PPP1R9A: variants seen among roughly 807,000 people sequenced by gnomAD.
The protein encoded by PPP1R9A is neurabin-1.
In PPP1R9A, 59 loss-of-function variants were observed where a neutral mutation model predicts 141.9. The ratio of observed to expected loss-of-function variants is 0.42; its 90% CI spans 0.34 to 0.52. The LOEUF is 0.52. Ranked by LOEUF, PPP1R9A falls within the 20% of genes least tolerant of loss-of-function variation. The probability of loss-of-function intolerance (pLI) is 0.10; values close to 1 mark genes in which losing one functional copy is unlikely to be tolerated. For missense variants in PPP1R9A, 1,444 were observed against 1,611.9 expected (o/e 0.90, Z 1.78); for synonymous variants, 500 against 569.7 (o/e 0.88, Z 1.74).
chr7:95,059,344 T>G (rs1349811671), intron 2 of PPP1R9A, among the ~76,000 whole-genome samples: 2 of 152,190 alleles, frequency 1.3e-5, no homozygotes, highest in Non-Finnish European at 2.9e-5. Flanking sequence ...TGTGTATACT[T>G]TTATATTTCT....
chr7:94,986,827 CT>C (rs535273719), intron 2 of PPP1R9A, among the ~76,000 whole-genome samples: 6 of 152,214 alleles, frequency 3.9e-5, no homozygotes, highest in African/African-American at 7.2e-5. Context: ...TAAAAAGCTG[CT>C]GCTGCTTCTA....
intron 2 of PPP1R9A, among the ~76,000 whole-genome samples, chr7:95,026,112 T>G (rs1486409199): frequency 6.6e-6 from 1 of 152,186 alleles, no homozygotes; most frequent in East Asian, 1.9e-4. Flanking sequence ...TCAGTTTTGT[T>G]TTCTTGCTGG....
chr7:94,918,773 G>A (rs537858651), intron 2 of PPP1R9A, among the ~76,000 whole-genome samples: 61 of 152,292 alleles, frequency 4.0e-4, no homozygotes, highest in African/African-American at 1.4e-3. Flanking sequence ...GAATATAGGA[G>A]TATGGCTTGG....
intron 8 of PPP1R9A, among the ~76,000 whole-genome samples, chr7:95,238,698 C>G (rs1048233660): frequency 7.2e-5 from 11 of 152,048 alleles, no homozygotes; most frequent in Non-Finnish European, 1.6e-4. Context: ...TGGCACTTTC[C>G]CCCTCCCTAA....
At chr7:95,191,271 G>T (rs1402169744) in intron 5 of PPP1R9A, among the ~76,000 whole-genome samples, 1 of 152,096 alleles carries the variant, frequency 6.6e-6, no homozygotes, top group Non-Finnish European at 1.5e-5. Context: ...TTGACTTATT[G>T]TATCTCAACA....
At chr7:94,954,090 G>T (rs1004372152) in intron 2 of PPP1R9A, among the ~76,000 whole-genome samples, 2 of 152,052 alleles carry the variant, frequency 1.3e-5, no homozygotes, top group Non-Finnish European at 2.9e-5. Flanking sequence ...GATATTGGCT[G>T]TGGGTTTTTT....
At chr7:94,957,148 G>A (rs534799920) in intron 2 of PPP1R9A, among the ~76,000 whole-genome samples, 101 of 152,126 alleles carry the variant, frequency 6.6e-4, no homozygotes, top group Non-Finnish European at 1.3e-3. Flanking sequence ...CAGTTTTATC[G>A]GTTAATAATA....
At chr7:95,085,022 C>A (rs1285267286) in intron 2 of PPP1R9A, among the ~76,000 whole-genome samples, 2 of 152,002 alleles carry the variant, frequency 1.3e-5, no homozygotes, top group Non-Finnish European at 2.9e-5. Flanking sequence ...GGGCCATACC[C>A]ACCCTCACAT....
chr7:94,969,611 G>T (rs1011780700), intron 2 of PPP1R9A, among the ~76,000 whole-genome samples: 4 of 152,126 alleles, frequency 2.6e-5, no homozygotes, highest in African/African-American at 9.7e-5. Flanking sequence ...TCCCAATCAG[G>T]AGGTACAGGG....
At chr7:95,008,721 C>T (rs1803973363) in intron 2 of PPP1R9A, among the ~76,000 whole-genome samples, 1 of 152,094 alleles carries the variant, frequency 6.6e-6, no homozygotes, top group Non-Finnish European at 1.5e-5. Context: ...TGCTCATATT[C>T]TATTTGTTCT....
At chr7:95,243,059 T>C (rs992285411) in intron 8 of PPP1R9A, among the ~76,000 whole-genome samples, 2 of 152,178 alleles carry the variant, frequency 1.3e-5, no homozygotes, top group African/African-American at 4.8e-5. Flanking sequence ...CTATGCTTCA[T>C]TTGTCGAGGT....
intron 6 of PPP1R9A, among the ~76,000 whole-genome samples, chr7:95,201,393 G>A (rs1753560787): frequency 6.6e-6 from 1 of 152,018 alleles, no homozygotes; most frequent in South Asian, 2.1e-4. Flanking sequence ...GTTACACACT[G>A]CCTCAACAAA....
chr7:95,285,499 T>C (rs1450732081), intron 17 of PPP1R9A, among the ~76,000 whole-genome samples: 1 of 152,238 alleles, frequency 6.6e-6, no homozygotes, highest in African/African-American at 2.4e-5. Flanking sequence ...TTGATTTTCA[T>C]ATCCACTGAA....
chr7:94,973,560 A>T (rs1799094751), intron 2 of PPP1R9A, among the ~76,000 whole-genome samples: 1 of 152,208 alleles, frequency 6.6e-6, no homozygotes, highest in African/African-American at 2.4e-5. Flanking sequence ...TTGAATGAAC[A>T]TTTGTAATCA....
chr7:95,067,615 A>G (rs912419045), intron 2 of PPP1R9A, among the ~76,000 whole-genome samples: 9 of 152,222 alleles, frequency 5.9e-5, no homozygotes, highest in Admixed American at 6.5e-5. Flanking sequence ...ATAATAACAC[A>G]GTCATCCCTC....
intron 2 of PPP1R9A, among the ~76,000 whole-genome samples, chr7:95,047,929 C>T (rs1644178276): frequency 1.3e-5 from 2 of 152,114 alleles, no homozygotes; most frequent in Non-Finnish European, 2.9e-5. Context: ...TAAATCTTTC[C>T]TGTTTTTCCT....
intron 2 of PPP1R9A, among the ~76,000 whole-genome samples, chr7:94,930,495 T>C (rs568424199): frequency 1.3e-5 from 2 of 152,156 alleles, no homozygotes; most frequent in South Asian, 2.1e-4. Flanking sequence ...CCCCAAACAA[T>C]GCCTGGCTAA....
intron 2 of PPP1R9A, among the ~76,000 whole-genome samples, chr7:94,991,887 A>T (rs1003649283): frequency 6.6e-6 from 1 of 152,154 alleles, no homozygotes; most frequent in Non-Finnish European, 1.5e-5. Flanking sequence ...CCTGAGCTCA[A>T]ACGATCCACC....
chr7:95,208,035 A>G (rs1791215847), intron 7 of PPP1R9A, among the ~76,000 whole-genome samples: 2 of 152,226 alleles, frequency 1.3e-5, no homozygotes, highest in South Asian at 2.1e-4. Flanking sequence ...ATTTCAAAAG[A>G]TTTTTAAATG....
Sources: gnomAD v4.1 joint callset for allele counts (sites outside exome capture counted in the v4.1 genomes callset) on GRCh38, gnomAD v4.1.1 for gene constraint, MANE v1.5 for transcripts, NCBI Gene and HGNC (gene_info 2026-07-23, HGNC 2026-07-21) for gene names.